Variants in PRKN observed in about 807,000 individuals in gnomAD.
PRKN encodes the protein parkin RBR E3 ubiquitin protein ligase.
Under a neutral mutation model 59.5 loss-of-function variants are expected in PRKN, and 56 were observed. That is an observed-to-expected ratio of 0.94 (90% CI 0.76 to 1.18). The LOEUF is 1.18. Among genes scored for constraint, PRKN ranks in the 50% most tolerant of loss-of-function variants. The pLI is 0.00. For synonymous variants in PRKN, 250 were observed against 222.1 expected, an observed-to-expected ratio of 1.13 and a Z score of -1.12; for missense variants, 657 against 596.4, an observed-to-expected ratio of 1.10 and a Z score of -1.06.
chr6:162,664,577 A>G (rs952042819), intron 1 of PRKN, among the ~76,000 whole-genome samples: 8 of 151,996 alleles, frequency 5.3e-5, no homozygotes, highest in African/African-American at 1.9e-4. Context: ...CTTTTTAATA[A>G]TTGCCATTCT....
intron 2 of PRKN, among the ~76,000 whole-genome samples, chr6:162,366,063 C>CA (rs1660382118): frequency 6.6e-6 from 1 of 152,050 alleles, no homozygotes; most frequent in Admixed American, 6.6e-5. Context: ...ATGGGTACTG[C>CA]AAAAAAGCTT....
chr6:161,991,453 A>G (rs111756687), intron 5 of PRKN, among the ~76,000 whole-genome samples: 14 of 152,374 alleles, frequency 9.2e-5, no homozygotes, highest in African/African-American at 3.1e-4. Context: ...TAATAAAATG[A>G]TGGAAATAAG....
chr6:162,226,490 A>G (rs1305573212), intron 3 of PRKN, among the ~76,000 whole-genome samples: 2 of 152,128 alleles, frequency 1.3e-5, no homozygotes, highest in African/African-American at 4.8e-5. Context: ...TTCTGCAAAG[A>G]CATTTGGGAG....
chr6:162,418,612 C>CTGTGTGTG (rs1388038881), intron 2 of PRKN, among the ~76,000 whole-genome samples: 6 of 76,724 alleles, frequency 7.8e-5, no homozygotes, highest in African/African-American at 3.4e-4. Flanking sequence ...GAGGGACAGA[C>CTGTGTGTG]AGTGTGTGTG....
rs1208540910 is a variant in PRKN at position 162,218,642 on chromosome 6, A to G, written c.413-17390T>C. ...ATTAAAAGATTCATGAGACTAAGGT[A>G]TCAGTTCAGTGGACACAAAATAAGC... On this transcript the variant is annotated intron_variant, in intron 3 of 11. Coordinates refer to ENST00000366898, the MANE Select transcript of PRKN (RefSeq NM_004562.3). 2.0e-5 allele frequency among the ~76,000 whole-genome samples: 3 copies of G among 152,172 alleles called. No homozygotes were observed. The East Asian group carries it at 5.8e-4, about 29-fold the overall frequency.
chr6:161,987,641 T>C (rs1781484512), intron 5 of PRKN, among the ~76,000 whole-genome samples: 1 of 152,242 alleles, frequency 6.6e-6, no homozygotes, highest in Admixed American at 6.5e-5. Flanking sequence ...TTGTGTTATT[T>C]TTTGTTTTTA....
At chr6:162,346,949 C>A (rs1187709468) in intron 2 of PRKN, among the ~76,000 whole-genome samples, 1 of 151,796 alleles carries the variant, frequency 6.6e-6, no homozygotes, top group African/African-American at 2.4e-5. Context: ...GTCATATCAT[C>A]CTTTAACAAC....
intron 7 of PRKN, among the ~76,000 whole-genome samples, chr6:161,783,005 T>C (rs149283212): frequency 6.6e-6 from 1 of 152,346 alleles, no homozygotes; most frequent in Non-Finnish European, 1.5e-5. Context: ...CCTATAAGGA[T>C]ATACCCTAAT....
chr6:162,262,857 A>G, intron 2 of PRKN, 92 bp from the exon 3 acceptor site: 2 of 1,522,008 alleles, frequency 1.3e-6, no homozygotes, highest in South Asian at 2.4e-5. Context: ...TCCGTGGTAG[A>G]AGGGAAGCAA....
At chr6:162,232,147 G>A (rs1462857294) in intron 3 of PRKN, among the ~76,000 whole-genome samples, 1 of 152,148 alleles carries the variant, frequency 6.6e-6, no homozygotes, top group Non-Finnish European at 1.5e-5. Flanking sequence ...TGCGAAACGA[G>A]GGGTATGTAG....
At chr6:162,245,476 C>T (rs1779160448) in intron 3 of PRKN, among the ~76,000 whole-genome samples, 1 of 151,764 alleles carries the variant, frequency 6.6e-6, no homozygotes, top group Non-Finnish European at 1.5e-5. Context: ...ATTTTTGACA[C>T]TTGTACATTT....
intron 6 of PRKN, among the ~76,000 whole-genome samples, chr6:161,793,186 G>A (rs539186622): frequency 6.6e-6 from 1 of 152,264 alleles, no homozygotes; most frequent in South Asian, 2.1e-4. Flanking sequence ...TTCAACAGTT[G>A]AATGATCTTC....
chr6:162,018,830 A>G (rs1369579507), intron 5 of PRKN, among the ~76,000 whole-genome samples: 2 of 152,194 alleles, frequency 1.3e-5, no homozygotes, highest in Non-Finnish European at 2.9e-5. Flanking sequence ...TAATGACTTT[A>G]TGTTATCTGA....
chr6:162,149,362 G>A (rs1363847139), intron 4 of PRKN, among the ~76,000 whole-genome samples: 5 of 151,738 alleles, frequency 3.3e-5, no homozygotes, highest in South Asian at 4.2e-4. Flanking sequence ...CTCATGCCTC[G>A]CCCTCCCTAG....
At chr6:162,316,682 T>C (rs1172276074) in intron 2 of PRKN, among the ~76,000 whole-genome samples, 3 of 152,074 alleles carry the variant, frequency 2.0e-5, no homozygotes, top group Non-Finnish European at 4.4e-5. Flanking sequence ...GAAGTCATAA[T>C]TTCCCTTAAA....
At chr6:162,121,988 G>A (rs1277381928) in intron 4 of PRKN, among the ~76,000 whole-genome samples, 1 of 152,140 alleles carries the variant, frequency 6.6e-6, no homozygotes, top group East Asian at 1.9e-4. Context: ...GGAAGGTAAG[G>A]GGCTTGGAAA....
chr6:162,651,727 A>T (rs993038846), intron 1 of PRKN, among the ~76,000 whole-genome samples: 4 of 152,196 alleles, frequency 2.6e-5, no homozygotes, highest in Non-Finnish European at 5.9e-5. Context: ...GGATTTAGAG[A>T]GTGCTCTAAC....
intron 2 of PRKN, among the ~76,000 whole-genome samples, chr6:162,416,036 T>A (rs1167830632): frequency 6.6e-6 from 1 of 152,110 alleles, no homozygotes; most frequent in Non-Finnish European, 1.5e-5. Flanking sequence ...AGGCATGCCA[T>A]CTCCAGTTCT....
chr6:162,424,971 C>T (rs1047458695), intron 2 of PRKN, among the ~76,000 whole-genome samples: 2 of 151,794 alleles, frequency 1.3e-5, no homozygotes, highest in African/African-American at 4.8e-5. Flanking sequence ...AGATGGGTGT[C>T]TTAGCCTCAT....
Sources: allele counts gnomAD v4.1 joint callset (sites outside exome capture counted in the v4.1 genomes callset), GRCh38; gene constraint gnomAD v4.1.1; transcripts MANE v1.5; gene names NCBI Gene and HGNC (gene_info 2026-07-23, HGNC 2026-07-21).